SEMA6D: variants seen among roughly 807,000 people sequenced by gnomAD.
SEMA6D encodes the protein semaphorin-6D.
In SEMA6D, 35 loss-of-function variants were observed where a neutral mutation model predicts 106.6. That is an observed-to-expected ratio of 0.33 (90% CI 0.25 to 0.44). The LOEUF is 0.44. Among genes scored for constraint, SEMA6D ranks in the 20% least tolerant of loss-of-function variants. The pLI is 1.00. For missense variants in SEMA6D, 1,185 were observed against 1,345.9 expected, an observed-to-expected ratio of 0.88 and a Z score of 1.87; for synonymous variants, 499 against 487.7, an observed-to-expected ratio of 1.02 and a Z score of -0.31.
At chr15:47,461,626 G>A (rs1026881321) in intron 2 of SEMA6D, among the ~76,000 whole-genome samples, 2 of 151,978 alleles carry the variant, frequency 1.3e-5, no homozygotes, top group Admixed American at 1.3e-4. Context: ...GTAAAGTGAG[G>A]TGTATAGGAT....
At chr15:47,724,558 G>C (rs759162417) in intron 1 of SEMA6D, among the ~76,000 whole-genome samples, 3 of 152,100 alleles carry the variant, frequency 2.0e-5, no homozygotes, top group African/African-American at 7.2e-5. Flanking sequence ...GATTTGGACA[G>C]GTGGACAGTG....
At chr15:47,302,139 G>T (rs1255310042) in intron 1 of SEMA6D, among the ~76,000 whole-genome samples, 1 of 152,110 alleles carries the variant, frequency 6.6e-6, no homozygotes, top group Non-Finnish European at 1.5e-5. Flanking sequence ...GCTCAGAGTG[G>T]TTAGTTAATT....
chr15:47,319,057 C>T (rs2036816917), intron 1 of SEMA6D, among the ~76,000 whole-genome samples: 1 of 151,716 alleles, frequency 6.6e-6, no homozygotes, highest in Non-Finnish European at 1.5e-5. Context: ...CTTTGCTTTT[C>T]AGTTTTTCAA....
At chr15:47,517,290 G>A (rs1034465715) in intron 3 of SEMA6D, among the ~76,000 whole-genome samples, 4 of 152,022 alleles carry the variant, frequency 2.6e-5, no homozygotes, top group Non-Finnish European at 2.9e-5. Context: ...TTAGAAATTA[G>A]ATCATATATT....
At chr15:47,572,655 C>T (rs199576275) in intron 3 of SEMA6D, among the ~76,000 whole-genome samples, 40 of 152,270 alleles carry the variant, frequency 2.6e-4, no homozygotes, top group Admixed American at 1.0e-3. Flanking sequence ...CACATATACA[C>T]GCAAACACAC....
chr15:47,202,215 G>A (rs1012908693), intron 1 of SEMA6D, among the ~76,000 whole-genome samples: 2 of 151,872 alleles, frequency 1.3e-5, no homozygotes, highest in African/African-American at 2.4e-5. Flanking sequence ...GGTGATTGTC[G>A]GGAAGTTGTT....
chr15:47,617,238 T>C (rs1392612649), intron 4 of SEMA6D, among the ~76,000 whole-genome samples: 4 of 152,182 alleles, frequency 2.6e-5, no homozygotes, highest in Non-Finnish European at 2.9e-5. Context: ...TTCATCATCT[T>C]TCAGACTGCA....
chr15:47,769,580 T>C (rs1313903307), intron 18 of SEMA6D, among the ~76,000 whole-genome samples: 2 of 152,182 alleles, frequency 1.3e-5, no homozygotes, highest in East Asian at 3.8e-4. Context: ...CAACTAATGT[T>C]CAAAGGCCTT....
intron 3 of SEMA6D, among the ~76,000 whole-genome samples, chr15:47,502,020 G>C (rs2043864915): frequency 6.6e-6 from 1 of 152,048 alleles, no homozygotes; most frequent in African/African-American, 2.4e-5. Flanking sequence ...GCTTCAACTA[G>C]CTGAACTCAA....
chr15:47,252,239 T>C (rs1475005647), intron 1 of SEMA6D, among the ~76,000 whole-genome samples: 1 of 152,154 alleles, frequency 6.6e-6, no homozygotes, highest in Non-Finnish European at 1.5e-5. Context: ...GTGTTGCGAT[T>C]TCTTCATTTT....
intron 4 of SEMA6D, among the ~76,000 whole-genome samples, chr15:47,644,665 A>G (rs1403015119): frequency 6.6e-6 from 1 of 152,216 alleles, no homozygotes; most frequent in Non-Finnish European, 1.5e-5. Flanking sequence ...GGCCCTCGCC[A>G]GACACCAAAT....
At chr15:47,751,633 T>TC (rs2081442130) in intron 1 of SEMA6D, among the ~76,000 whole-genome samples, 1 of 152,002 alleles carries the variant, frequency 6.6e-6, no homozygotes, top group South Asian at 2.1e-4. Context: ...CAGGGGCCCA[T>TC]CCCCCCTGGG....
intron 1 of SEMA6D, among the ~76,000 whole-genome samples, chr15:47,240,597 C>T (rs893692161): frequency 1.3e-5 from 2 of 152,066 alleles, no homozygotes; most frequent in African/African-American, 4.8e-5. Context: ...GGAATTTTTG[C>T]ATCTTGATAT....
intron 4 of SEMA6D, among the ~76,000 whole-genome samples, chr15:47,648,522 C>G (rs1033576521): frequency 1.2e-4 from 17 of 141,906 alleles, no homozygotes; most frequent in African/African-American, 4.9e-4. Flanking sequence ...GTAAAGTAGA[C>G]GGTAATCATA....
chr15:47,353,558 G>A (rs1298994221), intron 1 of SEMA6D, among the ~76,000 whole-genome samples: 1 of 152,082 alleles, frequency 6.6e-6, no homozygotes, highest in Admixed American at 6.6e-5. Flanking sequence ...TCATCCAGAC[G>A]AATTGACCTC....
At chr15:47,673,929 G>C (rs756874666) in intron 4 of SEMA6D, among the ~76,000 whole-genome samples, 1 of 152,188 alleles carries the variant, frequency 6.6e-6, no homozygotes, top group Non-Finnish European at 1.5e-5. Context: ...TCTCAAGCTA[G>C]TATTTCTATG....
At chr15:47,452,400 T>G (rs2042220887) in intron 2 of SEMA6D, among the ~76,000 whole-genome samples, 1 of 151,926 alleles carries the variant, frequency 6.6e-6, no homozygotes, top group Admixed American at 6.6e-5. Flanking sequence ...CTGTGTAATC[T>G]GGGCAAGTTA....
At chr15:47,266,842 T>G (rs1213745455) in intron 1 of SEMA6D, among the ~76,000 whole-genome samples, 1 of 152,158 alleles carries the variant, frequency 6.6e-6, no homozygotes, top group African/African-American at 2.4e-5. Flanking sequence ...AGATTCTTGT[T>G]CAAATACCGT....
intron 3 of SEMA6D, among the ~76,000 whole-genome samples, chr15:47,521,284 A>T (rs1056226698): frequency 6.6e-6 from 1 of 152,198 alleles, no homozygotes; most frequent in Non-Finnish European, 1.5e-5. Context: ...CCTGCATTCT[A>T]TGGAAGCATC....
Sources: allele counts gnomAD v4.1 joint callset (sites outside exome capture counted in the v4.1 genomes callset), GRCh38; gene constraint gnomAD v4.1.1; transcripts MANE v1.5; gene names NCBI Gene and HGNC (gene_info 2026-07-23, HGNC 2026-07-21).